PDE3A: variants seen among roughly 807,000 people sequenced by gnomAD.
PDE3A encodes the protein cGMP-inhibited 3',5'-cyclic phosphodiesterase 3A.
PDE3A carries 43 observed loss-of-function variants against 98.3 expected under a neutral mutation model. That is an observed-to-expected ratio of 0.44 (90% CI 0.34 to 0.56). PDE3A has a LOEUF of 0.56. Among genes scored for constraint, PDE3A ranks in the 20% least tolerant of loss-of-function variants. The pLI, the probability that PDE3A is intolerant of heterozygous loss-of-function variation, is 0.01. For synonymous variants in PDE3A, 663 were observed against 567.9 expected (o/e 1.17, Z -2.38); for missense variants, 1,427 against 1,440.7 (o/e 0.99, Z 0.15).
intron 1 of PDE3A, among the ~76,000 whole-genome samples, chr12:20,421,884 C>T (rs11045232): frequency 0.052 from 7,848 of 152,168 alleles, 262 homozygotes; most frequent in East Asian, 0.11. Context: ...TGAGAATAGC[C>T]TGTCTGGGAT....
At chr12:20,374,978 T>C (rs11045196) in intron 1 of PDE3A, among the ~76,000 whole-genome samples, 73,008 of 151,752 alleles carry the variant, frequency 0.48, 17,950 homozygotes, top group East Asian at 0.54. Flanking sequence ...GGAAATGTCT[T>C]ATGCTCCCGG....
At chr12:20,389,128 C>A (rs1471523659) in intron 1 of PDE3A, among the ~76,000 whole-genome samples, 1 of 151,974 alleles carries the variant, frequency 6.6e-6, no homozygotes, top group Non-Finnish European at 1.5e-5. Flanking sequence ...TTTTACGGTT[C>A]TGTCGAAGGA....
intron 2 of PDE3A, among the ~76,000 whole-genome samples, chr12:20,567,012 T>C (rs1942676904): frequency 6.6e-6 from 1 of 151,976 alleles, no homozygotes; most frequent in Non-Finnish European, 1.5e-5. Flanking sequence ...AGTACTCCAA[T>C]TAACTATAAG....
Position 20,369,766 on chromosome 12 carries a change from T to A in PDE3A, c.482T>A (p.Val161Asp). ...LRAGVRLPLA[V>D]ALLAACCGGE... ...GCCGGGGTGCGCCTGCCTCTGGCTG[T>A]CGCGCTGCTGGCCGCCTGCTGCGGG... Residue 161 changes from valine to aspartate, a missense_variant, in exon 1 of 16, where the codon GTC becomes GAC. Val to Asp is a radical substitution (Grantham distance 152). Transcript: ENST00000359062. The A allele has an allele frequency of 6.2e-7, 1 of 1,612,532 alleles. No homozygotes were observed. Among genetic ancestry groups the A allele is most frequent in the Non-Finnish European group, 8.5e-7 (1 of 1,179,684 alleles).
At chr12:20,443,707 T>C (rs1032081539) in intron 1 of PDE3A, among the ~76,000 whole-genome samples, 2 of 152,184 alleles carry the variant, frequency 1.3e-5, no homozygotes, top group Non-Finnish European at 2.9e-5. Flanking sequence ...GGATTAAGTA[T>C]GGAAATCATA....
intron 2 of PDE3A, among the ~76,000 whole-genome samples, chr12:20,599,451 C>T (rs1943538741): frequency 1.3e-5 from 2 of 152,164 alleles, no homozygotes; most frequent in Admixed American, 6.5e-5. Context: ...CTCGTTTGTA[C>T]TTCTAACCTC....
At chr12:20,638,409 C>G (rs1944569122) in intron 9 of PDE3A, among the ~76,000 whole-genome samples, 1 of 152,172 alleles carries the variant, frequency 6.6e-6, no homozygotes, top group Admixed American at 6.5e-5. Context: ...CTGCTAGACT[C>G]TATTCTGTCC....
intron 1 of PDE3A, among the ~76,000 whole-genome samples, chr12:20,548,264 A>AT (rs980296682): frequency 1.3e-5 from 2 of 151,912 alleles, no homozygotes; most frequent in Non-Finnish European, 2.9e-5. Context: ...TTTAAAAAAA[A>AT]TTTTTTTTAG....
chr12:20,590,443 C>T (rs1393538551), intron 2 of PDE3A, among the ~76,000 whole-genome samples: 1 of 149,688 alleles, frequency 6.7e-6, no homozygotes, highest in Non-Finnish European at 1.5e-5. Context: ...GAGAGACCAA[C>T]ATCCAAGAAT....
chr12:20,603,078 T>C (rs1943630263), intron 2 of PDE3A, among the ~76,000 whole-genome samples: 1 of 152,216 alleles, frequency 6.6e-6, no homozygotes, highest in Non-Finnish European at 1.5e-5. Flanking sequence ...CACGTAGTGC[T>C]ACAGAGATGT....
intron 15 of PDE3A, among the ~76,000 whole-genome samples, chr12:20,676,984 G>A (rs1396340209): frequency 6.6e-6 from 1 of 151,782 alleles, no homozygotes; most frequent in African/African-American, 2.4e-5. Context: ...TCACCTTCTG[G>A]GACACTGAAA....
chr12:20,672,738 T>C (rs1165658966), intron 15 of PDE3A, among the ~76,000 whole-genome samples: 2 of 131,606 alleles, frequency 1.5e-5, no homozygotes, highest in Admixed American at 7.9e-5. Flanking sequence ...CCTAAAACCA[T>C]AAAAACCCTA....
intron 2 of PDE3A, among the ~76,000 whole-genome samples, chr12:20,582,184 T>C (rs925792802): frequency 1.6e-5 from 2 of 123,904 alleles, no homozygotes; most frequent in Non-Finnish European, 3.5e-5. Flanking sequence ...AAAATGAATA[T>C]GAAATTATTA....
At chr12:20,603,650 A>T (rs1410984530) in intron 2 of PDE3A, among the ~76,000 whole-genome samples, 1 of 152,162 alleles carries the variant, frequency 6.6e-6, no homozygotes. Context: ...TGTAGGGGAC[A>T]AACACCCACG....
chr12:20,522,446 T>TA (rs71039948), intron 1 of PDE3A, among the ~76,000 whole-genome samples: 1,840 of 152,358 alleles, frequency 0.012, 19 homozygotes, highest in Non-Finnish European at 0.019. Flanking sequence ...AAAAGACAGA[T>TA]AATTAACTGA....
rs1183196043 is a variant in PDE3A, at chr12:20,369,593, A to G, written c.309A>G (p.Ala103=). ...KEAAAAEEEE[A]APGAEGGVFP... ...CGGCGGCGGCGGAGGAGGAGGAAGC[A>G]GCCCCGGGAGCAGAAGGGGGCGTCT... is the stretch of plus-strand genomic sequence containing the variant. Residue 103 remains alanine, a synonymous_variant, in exon 1 of 16, where the codon GCA becomes GCG. Coordinates refer to ENST00000359062, the MANE Select transcript of PDE3A (RefSeq NM_000921.5). 3 of 1,561,306 alleles carry G rather than the reference A, an allele frequency of 1.9e-6. No individual in the cohort carries two copies. The African/African-American group carries it at 4.1e-5, about 21-fold the overall frequency.
intron 1 of PDE3A, among the ~76,000 whole-genome samples, chr12:20,525,324 C>T (rs767995873): frequency 9.2e-5 from 14 of 152,134 alleles, no homozygotes; most frequent in South Asian, 2.1e-4. Flanking sequence ...ATTCTTGTTA[C>T]TATCATCATG....
chr12:20,634,814 T>C (rs1944461610), intron 7 of PDE3A, 88 bp from the exon 8 acceptor site: 9 of 843,446 alleles, frequency 1.1e-5, no homozygotes, highest in Non-Finnish European at 1.6e-5. Flanking sequence ...ACACTATATT[T>C]ACCATATGCA....
chr12:20,477,477 CT>C (rs575554065), intron 1 of PDE3A, among the ~76,000 whole-genome samples: 41 of 151,212 alleles, frequency 2.7e-4, no homozygotes, highest in African/African-American at 7.8e-4. Flanking sequence ...TTGTTAAATA[CT>C]TTTTTTTTGG....
Sources: gnomAD v4.1 joint callset for allele counts (sites outside exome capture counted in the v4.1 genomes callset) on GRCh38, gnomAD v4.1.1 for gene constraint, MANE v1.5 for transcripts, NCBI Gene and HGNC (gene_info 2026-07-23, HGNC 2026-07-21) for gene names.